The following FOXP2 variants were observed in gnomAD, a reference collection of about 807,000 sequenced individuals.
The protein encoded by FOXP2 is forkhead box protein P2.
FOXP2 carries 12 observed loss-of-function variants against 115.8 expected under a neutral mutation model. The ratio of observed to expected loss-of-function variants is 0.10; its 90% confidence interval spans 0.07 to 0.17. FOXP2 has a LOEUF of 0.17. Among genes scored for constraint, FOXP2 ranks in the 10% least tolerant of loss-of-function variants. The pLI, the probability that FOXP2 is intolerant of heterozygous loss-of-function variation, is 1.00. For synonymous variants in FOXP2, 328 were observed against 297.7 expected (o/e 1.10, Z -1.05); for missense variants, 629 against 843.5 (o/e 0.75, Z 3.15).
At chr7:114,306,352 C>G (rs561193671) in intron 2 of FOXP2, among the ~76,000 whole-genome samples, 5 of 152,196 alleles carry the variant, frequency 3.3e-5, no homozygotes, top group Non-Finnish European at 5.9e-5. Flanking sequence ...TGTGCACACA[C>G]AGGATATTCA....
At chr7:114,576,091 C>A (rs1801561665) in intron 3 of FOXP2, among the ~76,000 whole-genome samples, 1 of 151,774 alleles carries the variant, frequency 6.6e-6, no homozygotes, top group African/African-American at 2.4e-5. Context: ...TGAAATGTTT[C>A]AAACACTTAT....
intron 2 of FOXP2, among the ~76,000 whole-genome samples, chr7:114,510,637 T>C (rs1382765119): frequency 6.6e-6 from 1 of 152,116 alleles, no homozygotes; most frequent in Non-Finnish European, 1.5e-5. Flanking sequence ...TTAAAAAGTA[T>C]GTCTTTTACC....
chr7:114,330,135 A>C (rs770359016), intron 2 of FOXP2, among the ~76,000 whole-genome samples: 50 of 152,074 alleles, frequency 3.3e-4, no homozygotes, highest in Non-Finnish European at 5.7e-4. Context: ...TGAGGTTTTA[A>C]TCGACATTAT....
intron 2 of FOXP2, among the ~76,000 whole-genome samples, chr7:114,361,595 G>C (rs568281655): frequency 1.3e-5 from 2 of 152,128 alleles, no homozygotes; most frequent in East Asian, 1.9e-4. Flanking sequence ...TAGTCAACTA[G>C]TTTTTGTTTA....
chr7:114,434,415 C>G (rs983048074), intron 2 of FOXP2, among the ~76,000 whole-genome samples: 1 of 119,220 alleles, frequency 8.4e-6, no homozygotes. Flanking sequence ...TAGTATATTT[C>G]TGACCTCACG....
At chr7:114,134,005 T>A (rs895700826) in intron 1 of FOXP2, among the ~76,000 whole-genome samples, 8 of 152,000 alleles carry the variant, frequency 5.3e-5, no homozygotes, top group Non-Finnish European at 2.9e-5. Context: ...AGACAGCCAG[T>A]AGAGGAGATT....
intron 2 of FOXP2, among the ~76,000 whole-genome samples, chr7:114,324,314 A>G (rs1427741817): frequency 6.6e-6 from 1 of 151,984 alleles, no homozygotes; most frequent in Non-Finnish European, 1.5e-5. Flanking sequence ...ACTACTTTGT[A>G]GAAAATCTCA....
chr7:114,590,804 G>T (rs1452585411), intron 3 of FOXP2, among the ~76,000 whole-genome samples: 1 of 152,028 alleles, frequency 6.6e-6, no homozygotes, highest in Non-Finnish European at 1.5e-5. Flanking sequence ...TTCTTGGCTT[G>T]CAGGATATGA....
rs1230896964 is a variant in FOXP2 at position 114,693,420 on chromosome 7, T to G, written c.*3494T>G. 2.2e-6 allele frequency: 1 copy of G among 453,480 alleles called. No individual in the cohort carries two copies. Among genetic ancestry groups the G allele is most frequent in the African/African-American group, 2.0e-5 (1 of 49,990 alleles). The allele number at this position is 453,480 out of a possible 1,614,324, so 28.1% of individuals were successfully genotyped here. Reference sequence around the variant, plus strand: ...AAATCCAATATGATATTTTGTAAAGTTTTCAAGTTGGACATTTACATTTTT... The same window carrying G: ...AAATCCAATATGATATTTTGTAAAGGTTTCAAGTTGGACATTTACATTTTT... On this transcript the variant is annotated 3_prime_UTR_variant, in exon 17 of 17. Transcript: ENST00000350908.
chr7:114,498,636 G>A (rs1198714030), intron 2 of FOXP2, among the ~76,000 whole-genome samples: 3 of 152,070 alleles, frequency 2.0e-5, no homozygotes, highest in Non-Finnish European at 4.4e-5. Context: ...CAAACTATAA[G>A]TTATCTTAAT....
chr7:114,392,259 T>A (rs568340680), intron 2 of FOXP2, among the ~76,000 whole-genome samples: 8 of 152,290 alleles, frequency 5.3e-5, no homozygotes, highest in African/African-American at 1.4e-4. Context: ...AGTAGGCCAG[T>A]ATGCGTGGTT....
At chr7:114,146,012 G>A (rs1792359746) in intron 1 of FOXP2, among the ~76,000 whole-genome samples, 1 of 152,000 alleles carries the variant, frequency 6.6e-6, no homozygotes, top group African/African-American at 2.4e-5. Flanking sequence ...TCTGACACTG[G>A]GTACTTTCTG....
intron 1 of FOXP2, among the ~76,000 whole-genome samples, chr7:114,156,532 C>T (rs1187777225): frequency 6.6e-6 from 1 of 152,154 alleles, no homozygotes; most frequent in African/African-American, 2.4e-5. Context: ...CCGGGAGACC[C>T]ATTCCCACTT....
chr7:114,096,268 A>G (rs1293757440), intron 1 of FOXP2, among the ~76,000 whole-genome samples: 1 of 152,212 alleles, frequency 6.6e-6, no homozygotes, highest in African/African-American at 2.4e-5. Context: ...TTACATTGTT[A>G]AATGTTACAA....
intron 3 of FOXP2, among the ~76,000 whole-genome samples, chr7:114,556,053 A>G (rs1195494838): frequency 1.3e-5 from 2 of 152,210 alleles, no homozygotes; most frequent in East Asian, 3.9e-4. Flanking sequence ...TTAATATGAA[A>G]GAAAAAGCAA....
chr7:114,095,274 A>G (rs1051951505), intron 1 of FOXP2, among the ~76,000 whole-genome samples: 2 of 152,220 alleles, frequency 1.3e-5, no homozygotes, highest in Non-Finnish European at 2.9e-5. Context: ...AAACATTTTA[A>G]GAAATGCATG....
chr7:114,188,075 A>G (rs529349987), intron 1 of FOXP2, among the ~76,000 whole-genome samples: 43 of 152,284 alleles, frequency 2.8e-4, no homozygotes, highest in African/African-American at 1.0e-3. Context: ...CAATAGTTTC[A>G]CTAGACTGAC....
At chr7:114,307,710 A>G (rs1265084900) in intron 2 of FOXP2, among the ~76,000 whole-genome samples, 1 of 152,218 alleles carries the variant, frequency 6.6e-6, no homozygotes, top group Non-Finnish European at 1.5e-5. Context: ...GAGAAATGTG[A>G]ATTCATTTTA....
At chr7:114,285,692 G>T (rs1029081259) in intron 1 of FOXP2, among the ~76,000 whole-genome samples, 2 of 152,008 alleles carry the variant, frequency 1.3e-5, no homozygotes, top group Non-Finnish European at 2.9e-5. Context: ...ATGACATAAA[G>T]TGGTATCTCA....
Sources: gnomAD v4.1 joint callset for allele counts (sites outside exome capture counted in the v4.1 genomes callset) on GRCh38, gnomAD v4.1.1 for gene constraint, MANE v1.5 for transcripts, NCBI Gene and HGNC (gene_info 2026-07-23, HGNC 2026-07-21) for gene names.